KIF21B: variants seen among roughly 807,000 people sequenced by gnomAD.
KIF21B encodes kinesin family member 21B, also known as kinesin-like protein KIF21B.
Under a neutral mutation model 192.9 loss-of-function variants are expected in KIF21B, and 85 were observed. The ratio of observed to expected loss-of-function variants is 0.44; its 90% CI spans 0.37 to 0.53. The LOEUF (loss-of-function observed/expected upper bound fraction) is 0.53. Among genes scored for constraint, KIF21B ranks in the 20% least tolerant of loss-of-function variants. KIF21B has a pLI of 0.00. For missense variants in KIF21B, 1,716 were observed against 2,194.8 expected, an observed-to-expected ratio of 0.78 and a Z score of 4.36; for synonymous variants, 832 against 884.6, an observed-to-expected ratio of 0.94 and a Z score of 1.05.
In KIF21B at chr1:201,017,470, C is replaced by T. The variant is rs565600926; in HGVS notation, c.41+5873G>A. ...CACTCTCCCTGTCCCACCCCCATCT[C>T]AGGGCATCTGGCAGGGGTTTCCCAT... On this transcript the variant is annotated intron_variant, in intron 1 of 34. Coordinates refer to ENST00000461742, the MANE Select transcript of KIF21B (RefSeq NM_001252102.2). This position sits in a 1 kb window ranked among gnomAD's most constrained non-coding sequence, Gnocchi z 4.1. 6.6e-6 allele frequency among the ~76,000 whole-genome samples: 1 copy of T among 152,340 alleles called. No individual in the cohort carries two copies. The highest frequency in any genetic ancestry group is 2.1e-4 in the South Asian group (1 of 4,824).
In KIF21B at chr1:200,998,505, C is replaced by T. The variant is rs977028706; in HGVS notation, c.1956G>A (p.Glu652=). 3.2e-5 allele frequency: 51 copies of T among 1,613,968 alleles called. No homozygotes were observed. Among genetic ancestry groups the T allele is most frequent in the Non-Finnish European group, 4.3e-5 (51 of 1,180,046 alleles). ...EIEIKQKLID[E]LENSQRRLQT... ...GCAACCGCCGCTGGCTGTTCTCCAG[C>T]TCGTCGATCAGCTTCTGCTTGATTT... The change falls in exon 14 of 35, where the codon GAG becomes GAA. Residue 652 remains glutamate (E), a synonymous_variant. Transcript: ENST00000461742. This position sits in a 1 kb window ranked among gnomAD's most constrained non-coding sequence, Gnocchi z 4.3.
intron 15 of KIF21B, among the ~76,000 whole-genome samples, chr1:200,995,988 CA>C (rs1010761489): frequency 1.3e-5 from 2 of 152,174 alleles, no homozygotes. Context: ...ACACTGGCCC[CA>C]CTACTGGGCA....
At chr1:200,988,987 A>G (rs1656498632) in intron 21 of KIF21B, 56 bp from the exon 22 acceptor site, 1 of 1,520,258 alleles carries the variant, frequency 6.6e-7, no homozygotes, top group Non-Finnish European at 8.9e-7. Flanking sequence ...GGAGTCACCC[A>G]TATCACACAA....
Position 200,973,265 on chromosome 1 carries a change from A to G in KIF21B, c.*256T>C. ...CCACGACTGCCAGGAGGGGAACAAG[A>G]AGGGATAATGCCCTTTGGCTTCACA... On this transcript the variant is annotated 3_prime_UTR_variant, in exon 35 of 35. Transcript: ENST00000461742. 4.6e-6 allele frequency: 2 copies of G among 430,502 alleles called. No homozygotes were observed. The highest frequency in any genetic ancestry group is 8.0e-6 in the Non-Finnish European group (2 of 250,542). 26.7% of individuals were successfully genotyped at this position (430,502 alleles called of 1,614,324 possible).
At chr1:200,976,185 G>C (rs893151702) in intron 32 of KIF21B, among the ~76,000 whole-genome samples, 1 of 152,110 alleles carries the variant, frequency 6.6e-6, no homozygotes. Flanking sequence ...CTGCCTCCCG[G>C]GTTCAAGCGA....
chr1:201,000,783 G>C lies in KIF21B; in HGVS notation c.1403-3C>G. On this transcript the variant is annotated splice_region_variant and splice_polypyrimidine_tract_variant and intron_variant, in intron 9 of 34. Transcript: ENST00000461742. The surrounding 1 kb of genome is among the most constrained non-coding windows in gnomAD (Gnocchi z 6.0). The stretch of plus-strand genomic sequence containing the variant: ...ACCAATGGCCTCATTGCCATCGCCT[G>C]GAGTGGGACGGCGGGAAGAAGGGTG... The C allele has an allele frequency of 6.2e-7, 1 of 1,614,156 alleles. No individual in the cohort carries two copies. The highest frequency in any genetic ancestry group is 8.5e-7 in the Non-Finnish European group (1 of 1,179,992).
rs1655586198 is a variant in KIF21B, at chr1:200,976,890, G to C, written c.4329C>G (p.Phe1443Leu). The stretch of plus-strand genomic sequence containing the variant: ...GGCCAGTCAGCTTGCCGACAGGCTG[G>C]AACCTGCAGTGGGAAGAGGCCCAGC... ...NAVRIWELSRFQPVGKLTGHI... is the reference protein window; with the variant it reads ...NAVRIWELSRLQPVGKLTGHI... The change falls in exon 32 of 35, where the codon TTC becomes TTG. Residue 1443 changes from phenylalanine to leucine, a missense_variant. Transcript: ENST00000461742. 1 of 1,605,212 alleles carries C rather than the reference G, an allele frequency of 6.2e-7. No homozygotes were observed. Among genetic ancestry groups the C allele is most frequent in the Admixed American group, 1.7e-5 (1 of 59,444 alleles).
chr1:200,999,234 G>A lies in KIF21B; in HGVS notation c.1885+115C>T, dbSNP rs889446424. ...GACTGCCTGTTGTCATTGGTTTCAC[G>A]TCTGGGAGTGCTGGGGCCTGGACAC... On this transcript the variant is annotated intron_variant, in intron 13 of 34. Transcript: ENST00000461742. The surrounding 1 kb of genome is among the most constrained non-coding windows in gnomAD (Gnocchi z 4.7). 24 of 1,265,098 alleles carry A rather than the reference G, an allele frequency of 1.9e-5. No individual in the cohort carries two copies. The East Asian group carries it at 2.3e-4, about 12-fold the overall frequency. 78.4% of individuals were successfully genotyped at this position (1,265,098 alleles called of 1,614,324 possible).
At chr1:200,979,786 G>C in intron 29 of KIF21B, 71 bp from the exon 30 acceptor site, 1 of 1,329,206 alleles carries the variant, frequency 7.5e-7, no homozygotes, top group Non-Finnish European at 1.0e-6. Context: ...CTCCACCTCT[G>C]CAGGGGCTGC....
intron 9 of KIF21B, chr1:201,001,922 A>G: frequency 1.8e-6 from 1 of 556,306 alleles, no homozygotes; most frequent in Non-Finnish European, 3.2e-6. Context: ...GGGAGAGGCG[A>G]TTTTAATCTT....
rs1249624509 is a variant in KIF21B at position 200,999,807 on chromosome 1, C to A, written c.1767+76G>T. The A allele has an allele frequency of 2.0e-6, 3 of 1,498,932 alleles. No homozygotes were observed. The highest frequency in any genetic ancestry group is 1.1e-5 in the South Asian group (1 of 88,902). The allele number at this position is 1,498,932 out of a possible 1,614,324, so 92.9% of individuals were successfully genotyped here. ...GCCTCCTTCACTCCATACAAGGATGCGGATGGGGCCCCCGCCAACCCCAGC... is the reference window on the plus strand; with the variant it reads ...GCCTCCTTCACTCCATACAAGGATGAGGATGGGGCCCCCGCCAACCCCAGC... On this transcript the variant is annotated intron_variant, in intron 12 of 34. Coordinates refer to ENST00000461742, the MANE Select transcript of KIF21B (RefSeq NM_001252102.2). The surrounding 1 kb of genome is among the most constrained non-coding windows in gnomAD (Gnocchi z 4.7).
chr1:200,991,268 G>A, intron 17 of KIF21B, 119 bp from the exon 18 acceptor site: 2 of 772,026 alleles, frequency 2.6e-6, no homozygotes, highest in Non-Finnish European at 4.2e-6. Context: ...GCTGGCCTGG[G>A]CTTGGGCTGC....
chr1:200,984,506 C>A (rs1333218060), intron 27 of KIF21B, among the ~76,000 whole-genome samples: 3 of 152,188 alleles, frequency 2.0e-5, no homozygotes, highest in African/African-American at 7.2e-5. Context: ...AAGGAAGGGG[C>A]TTCAGAGCAG....
At position 201,022,352 on chromosome 1, in the gene KIF21B, T is replaced by C. The variant is rs750493894; in HGVS notation, c.41+991A>G. Among the ~76,000 whole-genome samples the C allele has an allele frequency of 3.6e-4, 55 of 152,136 alleles. 1 individual carries two copies. Among genetic ancestry groups the C allele is most frequent in the Non-Finnish European group, 1.8e-4 (12 of 68,014 alleles). ...CCATCATACAGGGCTGGGGCAGAGATAGATGTTCTTGCCACATCCCTACCT... is the reference window on the plus strand; with the variant it reads ...CCATCATACAGGGCTGGGGCAGAGACAGATGTTCTTGCCACATCCCTACCT... On this transcript the variant is annotated intron_variant, in intron 1 of 34. Transcript: ENST00000461742.
rs1235478663 is a variant in KIF21B, at chr1:200,990,638, C to G, written c.2773G>C (p.Asp925His). 2 of 1,614,058 alleles carry G rather than the reference C, an allele frequency of 1.2e-6. No individual in the cohort carries two copies. Among genetic ancestry groups the G allele is most frequent in the African/African-American group, 2.7e-5 (2 of 74,928 alleles). ...ATGGTCATTCTCTGCATGACGATGT[C>G]AATGATCCGTCGCTCCAGGGACTGC... ...KWQSLERRII[D>H]IVMQRMTIVN... is the part of the protein sequence containing the mutation. The change falls in exon 19 of 35, where the codon GAC (aspartate) becomes CAC (histidine). Residue 925 changes from aspartate to histidine, a missense_variant. This residue lies in a region of KIF21B where 1,087 missense variants were observed against 1,316.6 expected (regional missense o/e 0.83). Coordinates refer to ENST00000461742, the MANE Select transcript of KIF21B (RefSeq NM_001252102.2). The surrounding 1 kb of genome is among the most constrained non-coding windows in gnomAD (Gnocchi z 5.4).
Position 200,982,998 on chromosome 1 carries a change from A to C in KIF21B, c.3842+58T>G. The C allele has an allele frequency of 4.1e-6, 6 of 1,461,856 alleles. No individual in the cohort carries two copies. Among genetic ancestry groups the C allele is most frequent in the Non-Finnish European group, 5.6e-6 (6 of 1,079,572 alleles). The allele number at this position is 1,461,856 out of a possible 1,614,324, so 90.6% of individuals were successfully genotyped here. A position where few individuals can be genotyped will look rare whatever the true frequency, so the allele number is the denominator to read the frequency against. The stretch of plus-strand genomic sequence containing the variant: ...GGAGGGATGCAGCAAGAGACAGAGA[A>C]GAGAGGGTGCCGAGAGTGAGAGTGG... On this transcript the variant is annotated intron_variant, in intron 28 of 34. Coordinates refer to ENST00000461742, the MANE Select transcript of KIF21B (RefSeq NM_001252102.2). This position sits in a 1 kb window ranked among gnomAD's most constrained non-coding sequence, Gnocchi z 4.7.
In KIF21B at chr1:200,984,954, G is replaced by A. The variant is rs1259131744; in HGVS notation, c.3708C>T (p.Phe1236=). 6.2e-7 allele frequency: 1 copy of A among 1,607,606 alleles called. No individual in the cohort carries two copies. Among genetic ancestry groups the A allele is most frequent in the East Asian group, 2.3e-5 (1 of 44,136 alleles). ...GAGTGGGAGGGGATGATGGGGGTGT[G>A]AATCCCACATCTGTGGACCTGGTGA... is the stretch of plus-strand genomic sequence containing the variant. The part of the protein sequence containing the change: ...GQPIRSTDVG[F]TPPSSPPTRP... The change falls in exon 27 of 35, where the codon TTC becomes TTT. Residue 1236 remains phenylalanine (F), a synonymous_variant. Transcript: ENST00000461742.
rs1007006109 is a variant in KIF21B, at chr1:200,972,310, C to T, written c.*1211G>A. 1 of 152,210 alleles carries T rather than the reference C, an allele frequency of 6.6e-6. No individual in the cohort carries two copies. The highest frequency in any genetic ancestry group is 2.4e-5 in the African/African-American group (1 of 41,400). The allele number at this position is 152,210 out of a possible 1,614,324, so 9.4% of individuals were successfully genotyped here. Reference sequence around the variant, plus strand: ...TCCTGAATAACCAGAGAGAGAGAAGCTGGAGAGACTCCCCGGCCCAGTGGG... The same window carrying T: ...TCCTGAATAACCAGAGAGAGAGAAGTTGGAGAGACTCCCCGGCCCAGTGGG... On this transcript the variant is annotated 3_prime_UTR_variant, in exon 35 of 35. Coordinates refer to ENST00000461742, the MANE Select transcript of KIF21B (RefSeq NM_001252102.2).
intron 1 of KIF21B, among the ~76,000 whole-genome samples, chr1:201,015,580 T>A (rs1658456184): frequency 6.6e-6 from 1 of 152,194 alleles, no homozygotes; most frequent in Non-Finnish European, 1.5e-5. Flanking sequence ...CAGCCTCCAA[T>A]TGGCATGCCT....
Sources: allele counts gnomAD v4.1 joint callset (sites outside exome capture counted in the v4.1 genomes callset), GRCh38; gene constraint gnomAD v4.1.1; regional missense constraint gnomAD v4.1.1; non-coding constraint Gnocchi (gnomAD v3.1); transcripts MANE v1.5; gene names NCBI Gene and HGNC (gene_info 2026-07-23, HGNC 2026-07-21).